The following RSU1 variants were observed in gnomAD, a reference collection of about 807,000 sequenced individuals.
RSU1 encodes the protein Ras suppressor protein 1.
RSU1 carries 26 observed loss-of-function variants against 31.1 expected under a neutral mutation model. The observed-to-expected ratio is 0.84, with a 90% CI of 0.61 to 1.16. RSU1 has a LOEUF of 1.16. RSU1 is among the 50% of genes most tolerant of loss of function. The probability of loss-of-function intolerance (pLI) is 0.00; values close to 1 mark genes in which losing one functional copy is unlikely to be tolerated. For missense variants in RSU1, 320 were observed against 339.1 expected (o/e 0.94, Z 0.44); for synonymous variants, 164 against 136.3 (o/e 1.20, Z -1.41).
In RSU1 at chr10:16,754,901, T is replaced by C. The variant is rs147014494; in HGVS notation, c.370A>G (p.Asn124Asp). 39 of 1,612,400 alleles carry C rather than the reference T, an allele frequency of 2.4e-5. No individual in the cohort carries two copies. In the African/African-American group the frequency reaches 4.0e-4, roughly 17 times the overall value. Residue 124 changes from asparagine to aspartate, a missense_variant, in exon 5 of 9, where the codon AAT becomes GAT. Coordinates refer to ENST00000345264, the MANE Select transcript of RSU1 (RefSeq NM_012425.4). ...TAGAAGAAGTTTCCAGGAAGAGAAT[T>C]TTCGCTCAAGTTGTTGTACGTCAAG... is the stretch of plus-strand genomic sequence containing the variant. ...LDLTYNNLSENSLPGNFFYLT... is the reference protein window; with the variant it reads ...LDLTYNNLSEDSLPGNFFYLT...
intron 7 of RSU1, among the ~76,000 whole-genome samples, chr10:16,717,241 A>C (rs1021614615): frequency 6.6e-6 from 1 of 152,170 alleles, no homozygotes; most frequent in African/African-American, 2.4e-5. Context: ...TACATTCTCT[A>C]CAGAGGCTGG....
intron 8 of RSU1, among the ~76,000 whole-genome samples, chr10:16,683,160 G>GTGGTGTGTGTGTGTGTGTGTGTGTGT (rs1554766307): frequency 7.0e-6 from 1 of 143,352 alleles, no homozygotes; most frequent in Non-Finnish European, 1.5e-5. Flanking sequence ...ATGGGTGTGT[G>GTGGTGTGTGTGTGTGTGTGTGTGTGT]GTGTGTGTGT....
chr10:16,780,140 T>A (rs1837621144), intron 3 of RSU1, among the ~76,000 whole-genome samples: 1 of 152,238 alleles, frequency 6.6e-6, no homozygotes, highest in African/African-American at 2.4e-5. Context: ...AGGAAGAAAC[T>A]GATCCATTGA....
chr10:16,687,887 T>C (rs1474549900), intron 8 of RSU1, among the ~76,000 whole-genome samples: 1 of 151,872 alleles, frequency 6.6e-6, no homozygotes, highest in East Asian at 1.9e-4. Context: ...GCCCGGCTAA[T>C]TTTTTTTCAT....
intron 7 of RSU1, among the ~76,000 whole-genome samples, chr10:16,726,316 A>T (rs1377299660): frequency 7.2e-6 from 1 of 138,372 alleles, no homozygotes; most frequent in South Asian, 2.2e-4. Flanking sequence ...TCACCAGGTT[A>T]GAGTGCAGTG....
At chr10:16,607,610 A>T (rs112355889) in intron 8 of RSU1, among the ~76,000 whole-genome samples, 1,839 of 152,280 alleles carry the variant, frequency 0.012, 32 homozygotes, top group African/African-American at 0.04. Context: ...CAGATATCAC[A>T]CACTGAGCAG....
In RSU1 at chr10:16,593,391, T is replaced by G. The variant is rs934903256; in HGVS notation, c.*3A>C. 1 of 1,613,990 alleles carries G rather than the reference T, an allele frequency of 6.2e-7. No homozygotes were observed. The highest frequency in any genetic ancestry group is 1.7e-5 in the Admixed American group (1 of 59,994). On this transcript the variant is annotated 3_prime_UTR_variant, in exon 9 of 9. Transcript: ENST00000345264. Reference sequence around the variant, plus strand: ...GGAAGGCCAGCCGATGCCAATCCCTTCCTTATCTGTTCTTGGCTGCCAGGG... The same window carrying G: ...GGAAGGCCAGCCGATGCCAATCCCTGCCTTATCTGTTCTTGGCTGCCAGGG...
intron 8 of RSU1, among the ~76,000 whole-genome samples, chr10:16,632,623 C>T (rs976480269): frequency 2.0e-5 from 3 of 152,176 alleles, no homozygotes; most frequent in African/African-American, 7.2e-5. Context: ...CTGCTTGCTT[C>T]TACACAAACT....
At chr10:16,744,947 T>C (rs1402847330) in intron 7 of RSU1, among the ~76,000 whole-genome samples, 2 of 152,180 alleles carry the variant, frequency 1.3e-5, no homozygotes, top group Non-Finnish European at 2.9e-5. Context: ...AGGAGGATAA[T>C]TCCCAGCCTT....
intron 8 of RSU1, among the ~76,000 whole-genome samples, chr10:16,602,746 C>T (rs1223860732): frequency 6.6e-6 from 1 of 152,056 alleles, no homozygotes; most frequent in Non-Finnish European, 1.5e-5. Flanking sequence ...AAGAAAAGAA[C>T]CAATTTTAAA....
At chr10:16,786,017 G>C (rs1003328636) in intron 2 of RSU1, among the ~76,000 whole-genome samples, 1 of 152,118 alleles carries the variant, frequency 6.6e-6, no homozygotes, top group Non-Finnish European at 1.5e-5. Context: ...ATTTTGGATT[G>C]TAACAACTGT....
intron 3 of RSU1, among the ~76,000 whole-genome samples, chr10:16,769,204 C>G (rs1354623274): frequency 1.3e-5 from 2 of 152,218 alleles, no homozygotes; most frequent in African/African-American, 4.8e-5. Flanking sequence ...GTTCTATGAT[C>G]TAAAATTAAT....
At chr10:16,711,433 G>C (rs1030187306) in intron 7 of RSU1, among the ~76,000 whole-genome samples, 4 of 151,854 alleles carry the variant, frequency 2.6e-5, no homozygotes, top group Non-Finnish European at 5.9e-5. Context: ...ATCAATTTTG[G>C]GTTCAGTTTG....
chr10:16,783,364 C>CTTTTTTTTTTTTTTTTTTTTT (rs57270890), intron 2 of RSU1, among the ~76,000 whole-genome samples: 2 of 132,070 alleles, frequency 1.5e-5, no homozygotes, highest in African/African-American at 3.2e-5. Context: ...ACAACTTTTG[C>CTTTTTTTTTTTTTTTTTTTTT]TTTTTTTTTT....
At chr10:16,611,926 G>A (rs1342942623) in intron 8 of RSU1, among the ~76,000 whole-genome samples, 2 of 152,194 alleles carry the variant, frequency 1.3e-5, no homozygotes, top group Admixed American at 6.5e-5. Flanking sequence ...AAATTCATTC[G>A]TGATTCTTGG....
intron 7 of RSU1, among the ~76,000 whole-genome samples, chr10:16,711,966 G>T (rs1451439301): frequency 6.6e-6 from 1 of 152,116 alleles, no homozygotes; most frequent in Non-Finnish European, 1.5e-5. Flanking sequence ...TATTGCAGTT[G>T]ATCTGTACCT....
At position 16,655,074 on chromosome 10, in the gene RSU1, A is replaced by AAGAG. The variant is rs201489029; in HGVS notation, c.731+39945_731+39948dup. Among the ~76,000 whole-genome samples, 11 of 77,562 alleles carry AAGAG rather than the reference A, an allele frequency of 1.4e-4. No individual in the cohort carries two copies. In the East Asian group the frequency reaches 3.0e-3, roughly 21 times the overall value. 50.9% of individuals were successfully genotyped at this position (77,562 alleles called of 152,430 possible). A position where few individuals can be genotyped will look rare whatever the true frequency, so the allele number is the denominator to read the frequency against. ...GTCCCTTAAAAAAAAAAAAAAAAAAAAGAGAGAGAGAGAGAGAGAAATGCA... is the reference window on the plus strand; with the variant it reads ...GTCCCTTAAAAAAAAAAAAAAAAAAAAGAGAGAGAGAGAGAGAGAGAGAAATGCA... On this transcript the variant is annotated intron_variant, in intron 8 of 8. Transcript: ENST00000345264.
intron 7 of RSU1, among the ~76,000 whole-genome samples, chr10:16,740,573 T>A (rs1836729471): frequency 1.3e-5 from 2 of 152,042 alleles, no homozygotes; most frequent in African/African-American, 4.8e-5. Flanking sequence ...AAAGAGAAAA[T>A]TCTAAGGAAT....
At chr10:16,800,556 T>C (rs1838132728) in intron 2 of RSU1, among the ~76,000 whole-genome samples, 1 of 151,712 alleles carries the variant, frequency 6.6e-6, no homozygotes, top group African/African-American at 2.4e-5. Flanking sequence ...GAAAGAAGAG[T>C]AGGAGAAAAG....
Sources: allele counts gnomAD v4.1 joint callset (sites outside exome capture counted in the v4.1 genomes callset), GRCh38; gene constraint gnomAD v4.1.1; transcripts MANE v1.5; gene names NCBI Gene and HGNC (gene_info 2026-07-23, HGNC 2026-07-21).